The following ADGRB3 variants were observed in gnomAD, a reference collection of about 807,000 sequenced individuals.
ADGRB3 encodes the protein brain-specific angiogenesis inhibitor 3.
A neutral mutation model predicts 193.4 loss-of-function variants in ADGRB3; 37 were observed. The observed-to-expected ratio is 0.19, with a 90% CI of 0.15 to 0.25. The LOEUF (loss-of-function observed/expected upper bound fraction) is 0.25. Among genes scored for constraint, ADGRB3 ranks in the 10% least tolerant of loss-of-function variants. The pLI, the probability that ADGRB3 is intolerant of heterozygous loss-of-function variation, is 1.00. For synonymous variants in ADGRB3, 690 were observed against 644.2 expected, an observed-to-expected ratio of 1.07 and a Z score of -1.08; for missense variants, 1,637 against 1,852.9, an observed-to-expected ratio of 0.88 and a Z score of 2.14.
At position 68,802,183 on chromosome 6, in the gene ADGRB3, C is replaced by CGTGTGTGTGT. The variant is rs9294808; in HGVS notation, c.758-128357_758-128348dup. Among the ~76,000 whole-genome samples the CGTGTGTGTGT allele has an allele frequency of 1.9e-3, 272 of 142,826 alleles. 3 individuals carry two copies. The highest frequency in any genetic ancestry group is 6.8e-3 in the African/African-American group (262 of 38,362). The allele number at this position is 142,826 out of a possible 152,430, so 93.7% of individuals were successfully genotyped here. A position where few individuals can be genotyped will look rare whatever the true frequency, so the allele number is the denominator to read the frequency against. The stretch of plus-strand genomic sequence containing the variant: ...ATAGAGTAAAATAAATGCACATATG[C>CGTGTGTGTGT]GTGTGTGTGTGTGTGTGTGTGTGTG... On this transcript the variant is annotated intron_variant, in intron 3 of 31. Coordinates refer to ENST00000370598, the MANE Select transcript of ADGRB3 (RefSeq NM_001704.3).
At chr6:69,377,354 C>T (rs1425465406) in intron 30 of ADGRB3, among the ~76,000 whole-genome samples, 1 of 152,004 alleles carries the variant, frequency 6.6e-6, no homozygotes, top group Non-Finnish European at 1.5e-5. Flanking sequence ...CCTTATTCTC[C>T]TCCAAAGTAA....
chr6:69,383,748 A>C (rs1770002356), intron 31 of ADGRB3, among the ~76,000 whole-genome samples: 1 of 152,042 alleles, frequency 6.6e-6, no homozygotes, highest in African/African-American at 2.4e-5. Context: ...AAAAGCAAGT[A>C]GGTTAAGAAG....
intron 20 of ADGRB3, among the ~76,000 whole-genome samples, chr6:69,265,646 A>C (rs529400272): frequency 1.3e-5 from 2 of 152,180 alleles, no homozygotes; most frequent in African/African-American, 4.8e-5. Context: ...AAAAAATCCA[A>C]AATACTTCTT....
At chr6:69,067,719 A>C (rs1034136079) in intron 16 of ADGRB3, among the ~76,000 whole-genome samples, 1 of 152,036 alleles carries the variant, frequency 6.6e-6, no homozygotes, top group Non-Finnish European at 1.5e-5. Context: ...TTTTATGGAG[A>C]GTCTTGAAAT....
At chr6:68,768,947 A>G (rs955988226) in intron 3 of ADGRB3, among the ~76,000 whole-genome samples, 11 of 152,200 alleles carry the variant, frequency 7.2e-5, no homozygotes, top group Admixed American at 2.0e-4. Context: ...AAAGCTCATC[A>G]ACACTGGTCA....
intron 20 of ADGRB3, among the ~76,000 whole-genome samples, chr6:69,308,110 G>A (rs1768103339): frequency 6.6e-6 from 1 of 151,436 alleles, no homozygotes; most frequent in Non-Finnish European, 1.5e-5. Context: ...AATTTAAGCA[G>A]ATCCACTAAG....
At chr6:68,787,025 A>T (rs1277300067) in intron 3 of ADGRB3, among the ~76,000 whole-genome samples, 1 of 152,142 alleles carries the variant, frequency 6.6e-6, no homozygotes, top group Admixed American at 6.5e-5. Flanking sequence ...ACTTTGCTGA[A>T]GTTCTTATCA....
At chr6:68,705,608 T>C (rs75332649) in intron 3 of ADGRB3, among the ~76,000 whole-genome samples, 4,119 of 152,256 alleles carry the variant, frequency 0.027, 186 homozygotes, top group African/African-American at 0.091. Flanking sequence ...AAGGGTTTAA[T>C]TGAAGAGAGT....
chr6:68,755,369 T>A (rs187323642), intron 3 of ADGRB3, among the ~76,000 whole-genome samples: 34 of 152,230 alleles, frequency 2.2e-4, no homozygotes, highest in Non-Finnish European at 4.3e-4. Context: ...TTGACCTGAC[T>A]GGGCAGGAAG....
At chr6:69,376,626 A>G (rs531464935) in intron 30 of ADGRB3, among the ~76,000 whole-genome samples, 14 of 152,048 alleles carry the variant, frequency 9.2e-5, no homozygotes, top group Admixed American at 3.3e-4. Flanking sequence ...TTAACTCAAT[A>G]TCACTACAAA....
At chr6:69,311,439 C>T (rs1259965534) in intron 20 of ADGRB3, among the ~76,000 whole-genome samples, 2 of 151,720 alleles carry the variant, frequency 1.3e-5, no homozygotes, top group East Asian at 1.9e-4. Context: ...TAAAAATACA[C>T]GGTCACTTAG....
intron 3 of ADGRB3, among the ~76,000 whole-genome samples, chr6:68,649,922 A>G (rs1366550923): frequency 6.6e-6 from 1 of 152,090 alleles, no homozygotes; most frequent in Non-Finnish European, 1.5e-5. Flanking sequence ...CTTTAAGCCT[A>G]TGGGCAGTAA....
Position 69,361,283 on chromosome 6 carries a change from A to T in ADGRB3, c.4010A>T (p.His1337Leu), listed in dbSNP as rs949938370. Reference protein sequence around the residue: ...KMNIGMETLPHERLLHYKVNP... With the variant: ...KMNIGMETLPLERLLHYKVNP... ...AATATTGGCATGGAAACCTTGCCGCATGAAAGGCTATTGCACTACAAAGTA... is the reference window on the plus strand; with the variant it reads ...AATATTGGCATGGAAACCTTGCCGCTTGAAAGGCTATTGCACTACAAAGTA... Residue 1337 changes from histidine to leucine, a missense_variant, in exon 29 of 32, where the codon CAT becomes CTT. Physicochemically the swap from His to Leu is moderately conservative, Grantham distance 99 (BLOSUM62 -3). This residue lies in a region of ADGRB3 where 368 missense variants were observed against 367.4 expected (regional missense o/e 1.00). Transcript: ENST00000370598. The T allele has an allele frequency of 2.5e-6, 4 of 1,612,770 alleles. No homozygotes were observed. Among genetic ancestry groups the T allele is most frequent in the Non-Finnish European group, 3.4e-6 (4 of 1,179,282 alleles).
At chr6:68,898,413 G>A (rs1053353093) in intron 3 of ADGRB3, among the ~76,000 whole-genome samples, 3 of 152,030 alleles carry the variant, frequency 2.0e-5, no homozygotes, top group Non-Finnish European at 2.9e-5. Context: ...ATCTCTTCTG[G>A]AAATTCCCTC....
chr6:68,858,336 C>G (rs1359190683), intron 3 of ADGRB3, among the ~76,000 whole-genome samples: 8 of 151,906 alleles, frequency 5.3e-5, no homozygotes, highest in Non-Finnish European at 1.2e-4. Flanking sequence ...AACCCCATCT[C>G]TACTGAAAAT....
intron 3 of ADGRB3, among the ~76,000 whole-genome samples, chr6:68,812,315 G>T (rs1767527450): frequency 7.5e-6 from 1 of 133,558 alleles, no homozygotes; most frequent in Non-Finnish European, 1.6e-5. Flanking sequence ...TTGTGATTAA[G>T]GATAGTTTAA....
chr6:69,233,267 T>C (rs963734365), intron 17 of ADGRB3, 23 bp from the exon 18 acceptor site: 2 of 1,610,160 alleles, frequency 1.2e-6, no homozygotes, highest in African/African-American at 2.7e-5. Flanking sequence ...CCCGATTTCC[T>C]CCCCCCTCAC....
At chr6:69,307,512 G>T (rs1309069614) in intron 20 of ADGRB3, among the ~76,000 whole-genome samples, 3 of 151,546 alleles carry the variant, frequency 2.0e-5, no homozygotes, top group African/African-American at 7.3e-5. Context: ...TTCATTATAA[G>T]CATAGCTCCT....
chr6:69,075,914 C>G (rs948956672), intron 16 of ADGRB3, 81 bp from the exon 17 acceptor site: 13 of 1,021,950 alleles, frequency 1.3e-5, no homozygotes, highest in Non-Finnish European at 1.8e-5. Context: ...ATCTTCCATT[C>G]TGTTTCTATT....
Sources: allele counts gnomAD v4.1 joint callset (sites outside exome capture counted in the v4.1 genomes callset), GRCh38; gene constraint gnomAD v4.1.1; regional missense constraint gnomAD v4.1.1; transcripts MANE v1.5; gene names NCBI Gene and HGNC (gene_info 2026-07-23, HGNC 2026-07-21).